Variants in GPC5 observed in about 807,000 individuals in gnomAD.
The protein encoded by GPC5 is glypican 5.
Under a neutral mutation model 53.9 loss-of-function variants are expected in GPC5, and 47 were observed. The observed-to-expected ratio is 0.87, with a 90% CI of 0.69 to 1.11. GPC5 has a LOEUF of 1.11. Ranked by LOEUF, GPC5 falls within the 50% of genes most tolerant of loss-of-function variation. The probability of loss-of-function intolerance (pLI) is 0.00; values close to 1 mark genes in which losing one functional copy is unlikely to be tolerated. For missense variants in GPC5, 748 were observed against 713.1 expected, an observed-to-expected ratio of 1.05 and a Z score of -0.56; for synonymous variants, 286 against 263.3, an observed-to-expected ratio of 1.09 and a Z score of -0.84.
At chr13:91,505,821 C>A (rs1410468235) in intron 2 of GPC5, among the ~76,000 whole-genome samples, 1 of 152,138 alleles carries the variant, frequency 6.6e-6, no homozygotes, top group Non-Finnish European at 1.5e-5. Flanking sequence ...CTCTGTAACT[C>A]CTTTTTTATA....
intron 2 of GPC5, among the ~76,000 whole-genome samples, chr13:91,556,283 G>A (rs2138867937): frequency 6.6e-6 from 1 of 151,872 alleles, no homozygotes; most frequent in East Asian, 1.9e-4. Flanking sequence ...GAGTACCATA[G>A]TTTTTTTGGG....
intron 7 of GPC5, 104 bp downstream of exon 7, chr13:92,145,093 C>A (rs1210672469): frequency 2.9e-6 from 3 of 1,035,048 alleles, no homozygotes; most frequent in Admixed American, 3.9e-5. Context: ...CAAAAACAAG[C>A]AAGAGGAATT....
At chr13:91,967,689 A>G (rs1381194810) in intron 6 of GPC5, among the ~76,000 whole-genome samples, 1 of 152,038 alleles carries the variant, frequency 6.6e-6, no homozygotes, top group Non-Finnish European at 1.5e-5. Context: ...TTTAACCATC[A>G]GCAATATTTA....
At chr13:91,490,792 T>G (rs1033402590) in intron 2 of GPC5, among the ~76,000 whole-genome samples, 6 of 152,188 alleles carry the variant, frequency 3.9e-5, no homozygotes, top group Non-Finnish European at 5.9e-5. Context: ...ACTTTCTTCT[T>G]TGCTGCTTCT....
chr13:92,117,014 C>T (rs934529711), intron 6 of GPC5, among the ~76,000 whole-genome samples: 8 of 152,076 alleles, frequency 5.3e-5, no homozygotes, highest in East Asian at 1.9e-4. Context: ...CAGCATCTTT[C>T]GTAGAGCAAA....
chr13:91,674,552 C>T (rs1478568061), intron 2 of GPC5, among the ~76,000 whole-genome samples: 1 of 142,972 alleles, frequency 7.0e-6, no homozygotes, highest in African/African-American at 2.6e-5. Context: ...CATATATATG[C>T]GTATGTGTAT....
chr13:92,368,740 G>A (rs1446339623), intron 7 of GPC5, among the ~76,000 whole-genome samples: 1 of 147,800 alleles, frequency 6.8e-6, no homozygotes, highest in Non-Finnish European at 1.5e-5. Flanking sequence ...GTTTTGAATA[G>A]TACATGTGCA....
chr13:92,109,061 GTTTTTTTTTTT>G lies in GPC5; in HGVS notation c.1402-35756_1402-35746del, dbSNP rs35762919. 2.6e-4 allele frequency among the ~76,000 whole-genome samples: 23 copies of G among 87,500 alleles called. No individual in the cohort carries two copies. The Admixed American group carries it at 3.2e-3, about 12-fold the overall frequency. 57.4% of individuals were successfully genotyped at this position (87,500 alleles called of 152,430 possible). A position where few individuals can be genotyped will look rare whatever the true frequency, so the allele number is the denominator to read the frequency against. On this transcript the variant is annotated intron_variant, in intron 6 of 7. Coordinates refer to ENST00000377067, the MANE Select transcript of GPC5 (RefSeq NM_004466.6). Reference sequence around the variant, plus strand: ...CTTCTATGTATGTATCAATATGTTGGTTTTTTTTTTTTTTTTTTTTTTTGAGACAGGGTCTT... The same window carrying G: ...CTTCTATGTATGTATCAATATGTTGGTTTTTTTTTTTTGAGACAGGGTCTT...
intron 7 of GPC5, among the ~76,000 whole-genome samples, chr13:92,693,193 A>G (rs1446329933): frequency 6.6e-6 from 1 of 152,144 alleles, no homozygotes; most frequent in African/African-American, 2.4e-5. Context: ...GCCCAGTCTC[A>G]GGTAGTTCTT....
At chr13:91,505,525 G>T (rs1884893856) in intron 2 of GPC5, among the ~76,000 whole-genome samples, 1 of 152,080 alleles carries the variant, frequency 6.6e-6, no homozygotes, top group East Asian at 1.9e-4. Context: ...CCTGAATACT[G>T]GTCCTAGGCT....
intron 7 of GPC5, among the ~76,000 whole-genome samples, chr13:92,617,815 C>A (rs9301826): frequency 0.49 from 74,698 of 151,882 alleles, 19,127 homozygotes; most frequent in African/African-American, 0.6. Flanking sequence ...GTGTTACATA[C>A]TTACAGGATT....
At chr13:92,381,891 A>G (rs1363496748) in intron 7 of GPC5, among the ~76,000 whole-genome samples, 1 of 92,270 alleles carries the variant, frequency 1.1e-5, no homozygotes, top group Non-Finnish European at 2.3e-5. Flanking sequence ...TATATATATT[A>G]TATATAATCA....
intron 7 of GPC5, among the ~76,000 whole-genome samples, chr13:92,573,883 A>T (rs1883110655): frequency 6.6e-6 from 1 of 152,156 alleles, no homozygotes; most frequent in Non-Finnish European, 1.5e-5. Context: ...CACCCTGAAG[A>T]GGGACTTCTT....
chr13:92,018,508 A>G (rs1217614083), intron 6 of GPC5, among the ~76,000 whole-genome samples: 3 of 152,174 alleles, frequency 2.0e-5, no homozygotes, highest in Admixed American at 1.3e-4. Flanking sequence ...GTACTTAAAA[A>G]AAGAAAAACA....
chr13:92,095,042 C>T lies in GPC5; in HGVS notation c.1402-49788C>T, dbSNP rs566864062. 8.0e-4 allele frequency among the ~76,000 whole-genome samples: 122 copies of T among 152,234 alleles called. 1 individual carries two copies. In the Middle Eastern group the frequency reaches 0.031, roughly 38 times the overall value. ...ATTCTGAATTCAATCAAAGTCAAAG[C>T]TCAAACATTTCTTAAAAATGAGATT... On this transcript the variant is annotated intron_variant, in intron 6 of 7. Coordinates refer to ENST00000377067, the MANE Select transcript of GPC5 (RefSeq NM_004466.6).
At chr13:91,458,696 A>G (rs1386280332) in intron 2 of GPC5, among the ~76,000 whole-genome samples, 1 of 152,138 alleles carries the variant, frequency 6.6e-6, no homozygotes, top group African/African-American at 2.4e-5. Context: ...CAATCCCACT[A>G]CTGGATATCT....
chr13:91,845,454 C>T (rs1026630641), intron 5 of GPC5, among the ~76,000 whole-genome samples: 1 of 152,114 alleles, frequency 6.6e-6, no homozygotes, highest in Non-Finnish European at 1.5e-5. Context: ...ACAGATCTAC[C>T]ACCTCACATA....
intron 5 of GPC5, among the ~76,000 whole-genome samples, chr13:91,898,681 C>CA (rs59566274): frequency 0.68 from 100,774 of 149,218 alleles, 34,044 homozygotes; most frequent in South Asian, 0.73. Context: ...CAAAGACAGA[C>CA]AAAAAAAAAA....
intron 2 of GPC5, among the ~76,000 whole-genome samples, chr13:91,661,384 C>G (rs2034984374): frequency 6.6e-6 from 1 of 152,204 alleles, no homozygotes; most frequent in Non-Finnish European, 1.5e-5. Context: ...GGAGAAGATG[C>G]CCCTGGGCAT....
Sources: gnomAD v4.1 joint callset for allele counts (sites outside exome capture counted in the v4.1 genomes callset) on GRCh38, gnomAD v4.1.1 for gene constraint, MANE v1.5 for transcripts, NCBI Gene and HGNC (gene_info 2026-07-23, HGNC 2026-07-21) for gene names.